Variants in EMP1 observed in about 807,000 individuals in gnomAD.
EMP1 encodes the protein tumor-associated membrane protein.
In EMP1, 5 loss-of-function variants were observed where a neutral mutation model predicts 15.7. The ratio of observed to expected loss-of-function variants is 0.32; its 90% CI spans 0.17 to 0.67. The LOEUF (loss-of-function observed/expected upper bound fraction) is 0.67, where lower values mean the gene tolerates loss of function less well. EMP1 is among the 30% of genes least tolerant of loss of function. The pLI is 0.74. For synonymous variants in EMP1, 78 were observed against 76.7 expected, an observed-to-expected ratio of 1.02 and a Z score of -0.09; for missense variants, 166 against 194.2, an observed-to-expected ratio of 0.85 and a Z score of 0.86.
In EMP1 at chr12:13,218,249, A is replaced by G. The variant is rs1473446410; in HGVS notation, c.*3558A>G. 2 of 152,240 alleles carry G rather than the reference A, an allele frequency of 1.3e-5. No homozygotes were observed. The highest frequency in any genetic ancestry group is 2.9e-5 in the Non-Finnish European group (2 of 68,060). The allele number at this position is 152,240 out of a possible 1,614,324, so 9.4% of individuals were successfully genotyped here. ...TGTAAAACCCCACCGGCTTTCAGGC[A>G]TGGAAAAAAATTTCACAAAGGCCTT... On this transcript the variant is annotated 3_prime_UTR_variant, in exon 5 of 5. Transcript: ENST00000256951.
In EMP1 at chr12:13,218,023, G is replaced by A. The variant is rs1460482828; in HGVS notation, c.*3332G>A. The A allele has an allele frequency of 1.3e-5, 2 of 152,108 alleles. No individual in the cohort carries two copies. The highest frequency in any genetic ancestry group is 3.9e-4 in the East Asian group (2 of 5,186). The allele number at this position is 152,108 out of a possible 1,614,324, so 9.4% of individuals were successfully genotyped here. ...GGTAGAGACAAATTGAATTAAAGTG[G>A]TTAAGTAAATACTCTTAGGTGAAAT... On this transcript the variant is annotated 3_prime_UTR_variant, in exon 5 of 5. Transcript: ENST00000256951.
At chr12:13,204,493 C>A (rs781616432) in intron 1 of EMP1, among the ~76,000 whole-genome samples, 15 of 152,176 alleles carry the variant, frequency 9.9e-5, no homozygotes, top group Non-Finnish European at 2.2e-4. Flanking sequence ...AATGATCCTT[C>A]ATGGGAAACA....
rs1460913589 is a variant in EMP1 at position 13,216,506 on chromosome 12, A to G, written c.*1815A>G. 4 of 700,008 alleles carry G rather than the reference A, an allele frequency of 5.7e-6. No individual in the cohort carries two copies. The highest frequency in any genetic ancestry group is 1.5e-5 in the South Asian group (1 of 66,846). The allele number at this position is 700,008 out of a possible 1,614,324, so 43.4% of individuals were successfully genotyped here. A position where few individuals can be genotyped will look rare whatever the true frequency, so the allele number is the denominator to read the frequency against. ...ATAGAAGGCTGTCTTAGTGCAAAAA[A>G]CATACTTACATTTCAGACATATCCA... On this transcript the variant is annotated 3_prime_UTR_variant, in exon 5 of 5. Transcript: ENST00000256951.
rs1443571614 is a variant in EMP1, at chr12:13,217,801, T to C, written c.*3110T>C. The stretch of plus-strand genomic sequence containing the variant: ...AAACAGAAAAAATAAGATTCGCGTG[T>C]GTGTGCAAACATATATATAAATAAA... On this transcript the variant is annotated 3_prime_UTR_variant, in exon 5 of 5. Transcript: ENST00000256951. The C allele has an allele frequency of 1.3e-5, 2 of 152,088 alleles. No individual in the cohort carries two copies. Among genetic ancestry groups the C allele is most frequent in the South Asian group, 2.1e-4 (1 of 4,828 alleles). The allele number at this position is 152,088 out of a possible 1,614,324, so 9.4% of individuals were successfully genotyped here.
intron 1 of EMP1, among the ~76,000 whole-genome samples, chr12:13,204,741 G>T (rs1204474548): frequency 6.6e-6 from 1 of 152,194 alleles, no homozygotes; most frequent in Non-Finnish European, 1.5e-5. Flanking sequence ...TTGGTCAGAT[G>T]CTGTGAGAAA....
At chr12:13,213,969 C>T in intron 4 of EMP1, 148 bp downstream of exon 4, 2 of 1,184,632 alleles carry the variant, frequency 1.7e-6, no homozygotes, top group Non-Finnish European at 2.4e-6. Flanking sequence ...TTGTGGAGAA[C>T]CTTGGATTGC....
At chr12:13,200,891 G>A (rs1864059444) in intron 1 of EMP1, among the ~76,000 whole-genome samples, 1 of 152,186 alleles carries the variant, frequency 6.6e-6, no homozygotes, top group African/African-American at 2.4e-5. Flanking sequence ...TTTTCTATTT[G>A]CTGAGCCTGT....
chr12:13,197,980 T>C (rs1233185245), intron 1 of EMP1, among the ~76,000 whole-genome samples: 2 of 151,750 alleles, frequency 1.3e-5, no homozygotes, highest in East Asian at 3.9e-4. Context: ...GAGAAGAGGG[T>C]GGGGCAGGAG....
chr12:13,197,642 G>A (rs1864026586), intron 1 of EMP1, among the ~76,000 whole-genome samples: 1 of 152,140 alleles, frequency 6.6e-6, no homozygotes, highest in South Asian at 2.1e-4. Flanking sequence ...AGGCATGATG[G>A]CAGGTGCCTG....
At chr12:13,207,449 G>A (rs1163118650) in intron 1 of EMP1, among the ~76,000 whole-genome samples, 1 of 152,168 alleles carries the variant, frequency 6.6e-6, no homozygotes, top group African/African-American at 2.4e-5. Flanking sequence ...GGAGCACAAA[G>A]ACACCTCTGC....
Position 13,205,438 on chromosome 12 carries a change from T to C in EMP1, c.-42-6031T>C, listed in dbSNP as rs1348514553. ...CAATAAGATGCTCAATACATAGTTGTAGTAAAGTATTAAGCAATTTCTGAA... is the reference window on the plus strand; with the variant it reads ...CAATAAGATGCTCAATACATAGTTGCAGTAAAGTATTAAGCAATTTCTGAA... On this transcript the variant is annotated intron_variant, in intron 1 of 4. Transcript: ENST00000256951. Among the ~76,000 whole-genome samples, 3 of 152,184 alleles carry C rather than the reference T, an allele frequency of 2.0e-5. No homozygotes were observed. In the South Asian group the frequency reaches 6.2e-4, roughly 31 times the overall value.
In EMP1 at chr12:13,218,772, C is replaced by T. The variant is rs3812820; in HGVS notation, c.*4081C>T. ...AACAACTAGGGGCTGGGTGCTGCAC[C>T]TACATGCTGGGGAAATAGAAAATGA... On this transcript the variant is annotated 3_prime_UTR_variant, in exon 5 of 5. Transcript: ENST00000256951. 0.47 allele frequency: 71,789 copies of T among 151,938 alleles called. 17,517 individuals carry two copies. Among genetic ancestry groups the T allele is most frequent in the East Asian group, 0.59 (3,054 of 5,162 alleles). The allele number at this position is 151,938 out of a possible 1,614,324, so 9.4% of individuals were successfully genotyped here.
chr12:13,218,378 C>T lies in EMP1; in HGVS notation c.*3687C>T, dbSNP rs1268123261. On this transcript the variant is annotated 3_prime_UTR_variant, in exon 5 of 5. Coordinates refer to ENST00000256951, the MANE Select transcript of EMP1 (RefSeq NM_001423.3). ...TTACTAAGAAATAGTTAGAATATAG[C>T]ATATCCTGTATAGATGAAATGTCCT... is the stretch of plus-strand genomic sequence containing the variant. 1 of 152,168 alleles carries T rather than the reference C, an allele frequency of 6.6e-6. No individual in the cohort carries two copies. Among genetic ancestry groups the T allele is most frequent in the Admixed American group, 6.5e-5 (1 of 15,282 alleles). 9.4% of individuals were successfully genotyped at this position (152,168 alleles called of 1,614,324 possible).
chr12:13,203,565 G>T (rs776136429), intron 1 of EMP1, among the ~76,000 whole-genome samples: 1 of 152,262 alleles, frequency 6.6e-6, no homozygotes, highest in African/African-American at 2.4e-5. Context: ...CTCAGGCTCT[G>T]CCAGAGAAGC....
rs8885 is a variant in EMP1 at position 13,216,262 on chromosome 12, C to T, written c.*1571C>T. On this transcript the variant is annotated 3_prime_UTR_variant, in exon 5 of 5. Coordinates refer to ENST00000256951, the MANE Select transcript of EMP1 (RefSeq NM_001423.3). ...TTTTCTTTATTAGCTTTCTCCTCAT[C>T]CATTTCTTTTATACCTTTCCTTTTT... The T allele has an allele frequency of 0.48, 303,611 of 631,548 alleles. 75,247 individuals are homozygous for T. Among genetic ancestry groups the T allele is most frequent in the Non-Finnish European group, 0.5 (177,349 of 353,362 alleles). The allele number at this position is 631,548 out of a possible 1,614,324, so 39.1% of individuals were successfully genotyped here. A position where few individuals can be genotyped will look rare whatever the true frequency, so the allele number is the denominator to read the frequency against.
At chr12:13,200,431 C>G (rs535018442) in intron 1 of EMP1, among the ~76,000 whole-genome samples, 1 of 152,186 alleles carries the variant, frequency 6.6e-6, no homozygotes, top group Admixed American at 6.5e-5. Flanking sequence ...GAGCTCCTAA[C>G]CCTTAACCAG....
At chr12:13,208,556 A>T (rs1864134000) in intron 1 of EMP1, among the ~76,000 whole-genome samples, 1 of 152,210 alleles carries the variant, frequency 6.6e-6, no homozygotes, top group African/African-American at 2.4e-5. Context: ...ACTGACAGTG[A>T]ATGATATTAG....
At chr12:13,213,121 C>T (rs1003840582) in intron 2 of EMP1, among the ~76,000 whole-genome samples, 1 of 152,210 alleles carries the variant, frequency 6.6e-6, no homozygotes, top group Admixed American at 6.5e-5. Context: ...ATATGAACTG[C>T]ACATACCTAA....
intron 1 of EMP1, among the ~76,000 whole-genome samples, chr12:13,205,272 A>G (rs7295254): frequency 0.85 from 128,658 of 152,214 alleles, 55,083 homozygotes; most frequent in East Asian, 1. Flanking sequence ...GAAATTTAAG[A>G]CATTTTCTTT....
Sources: allele counts gnomAD v4.1 joint callset (sites outside exome capture counted in the v4.1 genomes callset), GRCh38; gene constraint gnomAD v4.1.1; transcripts MANE v1.5; gene names NCBI Gene and HGNC (gene_info 2026-07-23, HGNC 2026-07-21).